IL1RAP: variants seen among roughly 807,000 people sequenced by gnomAD.
The protein encoded by IL1RAP is interleukin-1 receptor accessory protein.
Under a neutral mutation model 60.7 loss-of-function variants are expected in IL1RAP, and 35 were observed. That is an observed-to-expected ratio of 0.58 (90% confidence interval 0.44 to 0.76). The LOEUF is 0.76. IL1RAP is among the 30% of genes least tolerant of loss of function. IL1RAP has a pLI of 0.00. For missense variants in IL1RAP, 572 were observed against 693.9 expected, an observed-to-expected ratio of 0.82 and a Z score of 1.97; for synonymous variants, 268 against 250.9, an observed-to-expected ratio of 1.07 and a Z score of -0.64.
intron 8 of IL1RAP, among the ~76,000 whole-genome samples, chr3:190,629,095 A>G (rs1732555666): frequency 1.3e-5 from 2 of 152,232 alleles, no homozygotes; most frequent in African/African-American, 4.8e-5. Context: ...TTTTGAAGAG[A>G]GATCTATAAA....
At chr3:190,659,162 A>G (rs1462815052) in exon 12 of IL1RAP, 1 of 152,226 alleles carries the variant, frequency 6.6e-6, no homozygotes, top group Admixed American at 6.5e-5. Context: ...TTGGAAGAAA[A>G]TGAGAAATTA....
intron 1 of IL1RAP, among the ~76,000 whole-genome samples, chr3:190,537,297 G>A (rs952561887): frequency 6.6e-6 from 1 of 152,052 alleles, no homozygotes. Context: ...GAGTTTCCTA[G>A]GCATCCCATG....
intron 4 of IL1RAP, among the ~76,000 whole-genome samples, chr3:190,607,263 A>G (rs1435307860): frequency 6.6e-6 from 1 of 152,210 alleles, no homozygotes; most frequent in Admixed American, 6.6e-5. Context: ...ATGGCTACAC[A>G]TAGACTCCTT....
intron 7 of IL1RAP, among the ~76,000 whole-genome samples, 193 bp from the exon 8 acceptor site, chr3:190,627,130 G>A (rs1367207047): frequency 6.6e-6 from 1 of 152,092 alleles, no homozygotes; most frequent in East Asian, 1.9e-4. Context: ...TATGGGAGTC[G>A]ACTAGAGAAT....
intron 9 of IL1RAP, 49 bp downstream of exon 9, chr3:190,629,547 TG>T: frequency 1.3e-6 from 2 of 1,565,496 alleles, no homozygotes; most frequent in Non-Finnish European, 1.7e-6. Flanking sequence ...ATTAACATTG[TG>T]GTGAATAAGG....
Position 190,620,256 on chromosome 3 carries a change from T to TC in IL1RAP, c.538-19_538-18insC. On this transcript the variant is annotated intron_variant, in intron 5 of 11. Coordinates refer to ENST00000447382, the MANE Select transcript of IL1RAP (RefSeq NM_002182.4). ...CATGTATCTAAAAAGTAAACTTTTT[T>TC]TTTTTTTACTTTTTCTAGGGCTGTT... is the stretch of plus-strand genomic sequence containing the variant. 6.9e-7 allele frequency: 1 copy of TC among 1,448,852 alleles called. No individual in the cohort carries two copies. The highest frequency in any genetic ancestry group is 2.3e-5 in the East Asian group (1 of 43,534). 89.7% of individuals were successfully genotyped at this position (1,448,852 alleles called of 1,614,324 possible).
chr3:190,581,598 T>C (rs1255777329), intron 3 of IL1RAP, among the ~76,000 whole-genome samples: 1 of 152,194 alleles, frequency 6.6e-6, no homozygotes, highest in Non-Finnish European at 1.5e-5. Flanking sequence ...CAAAAGCAGA[T>C]AGTAGCATAT....
intron 3 of IL1RAP, among the ~76,000 whole-genome samples, chr3:190,578,674 A>G (rs1280854490): frequency 6.6e-6 from 1 of 152,222 alleles, no homozygotes; most frequent in Non-Finnish European, 1.5e-5. Context: ...CCAAGTTGCT[A>G]ATAAAGACAT....
At position 190,588,012 on chromosome 3, in the gene IL1RAP, G is replaced by C. The variant is rs12488165; in HGVS notation, c.65-16116G>C. Among the ~76,000 whole-genome samples the C allele has an allele frequency of 2.9e-4, 44 of 152,214 alleles. 1 individual carries two copies. The highest frequency in any genetic ancestry group is 1.1e-3 in the African/African-American group (44 of 41,506). On this transcript the variant is annotated intron_variant, in intron 3 of 11. Transcript: ENST00000447382. ...CAATGTTGGATTTGCAGTCTTTGGT[G>C]GGATGTGGTGGAAGAAATAAGGCAA...
chr3:190,618,888 C>G (rs748786322), intron 5 of IL1RAP, among the ~76,000 whole-genome samples: 11 of 152,154 alleles, frequency 7.2e-5, no homozygotes, highest in African/African-American at 1.7e-4. Flanking sequence ...CAATGCTGTT[C>G]TTAAAATACA....
At position 190,523,876 on chromosome 3, in the gene IL1RAP, T is replaced by C. The variant is rs1722291251; in HGVS notation, c.-89+9657T>C. ...AGAATAATTTATATTCCTTTGGGTG[T>C]ATACCCAGTAATGAGATTGCTGGGT... On this transcript the variant is annotated intron_variant, in intron 1 of 11. Transcript: ENST00000447382. Among the ~76,000 whole-genome samples, 4 of 152,208 alleles carry C rather than the reference T, an allele frequency of 2.6e-5. No homozygotes were observed. In the South Asian group the frequency reaches 8.3e-4, roughly 32 times the overall value.
At position 190,522,297 on chromosome 3, in the gene IL1RAP, C is replaced by G. The variant is rs1405431848; in HGVS notation, c.-89+8078C>G. On this transcript the variant is annotated intron_variant, in intron 1 of 11. Transcript: ENST00000447382. ...CATGCCTGCCTTCCTTTGCTTCCTT[C>G]CTTCCTTCCTTCCTTCCTTCCTTCC... Among the ~76,000 whole-genome samples the G allele has an allele frequency of 4.2e-4, 37 of 88,088 alleles. 1 individual carries two copies. The highest frequency in any genetic ancestry group is 3.7e-3 in the African/African-American group (29 of 7,748). The allele number at this position is 88,088 out of a possible 152,430, so 57.8% of individuals were successfully genotyped here.
intron 4 of IL1RAP, among the ~76,000 whole-genome samples, chr3:190,607,861 T>C (rs1318625847): frequency 1.3e-5 from 2 of 152,234 alleles, no homozygotes; most frequent in East Asian, 3.8e-4. Flanking sequence ...TCCTTGCCGA[T>C]ATGGCTCTGG....
chr3:190,629,555 A>G, intron 9 of IL1RAP, 57 bp downstream of exon 9: 1 of 1,547,114 alleles, frequency 6.5e-7, no homozygotes, highest in Non-Finnish European at 8.7e-7. Flanking sequence ...TGTGGTGAAT[A>G]AGGACAAAAG....
chr3:190,575,877 A>G (rs1727399726), intron 3 of IL1RAP, among the ~76,000 whole-genome samples: 1 of 152,254 alleles, frequency 6.6e-6, no homozygotes, highest in African/African-American at 2.4e-5. Flanking sequence ...GCTGCATTTA[A>G]AAATAAATGT....
At chr3:190,599,411 G>A (rs527671229) in intron 3 of IL1RAP, among the ~76,000 whole-genome samples, 27 of 151,616 alleles carry the variant, frequency 1.8e-4, no homozygotes, top group East Asian at 3.9e-4. Flanking sequence ...CAGATGCATC[G>A]CTTCATTATC....
exon 12 of IL1RAP, chr3:190,656,533 G>T: frequency 6.5e-7 from 1 of 1,537,248 alleles, no homozygotes; most frequent in Non-Finnish European, 8.7e-7. Context: ...GGAACCCCCT[G>T]CTCCCCAGAT....
At chr3:190,644,444 G>A in intron 10 of IL1RAP, 47 bp downstream of exon 10, 1 of 1,362,372 alleles carries the variant, frequency 7.3e-7, no homozygotes, top group Non-Finnish European at 1.0e-6. Flanking sequence ...GTCATCTTTA[G>A]AACATATGTT....
chr3:190,568,242 C>G (rs1726595979), intron 3 of IL1RAP, among the ~76,000 whole-genome samples: 1 of 152,092 alleles, frequency 6.6e-6, no homozygotes, highest in Non-Finnish European at 1.5e-5. Flanking sequence ...TTCGCAGGAA[C>G]CATTGTACAG....
Sources: gnomAD v4.1 joint callset for allele counts (sites outside exome capture counted in the v4.1 genomes callset) on GRCh38, gnomAD v4.1.1 for gene constraint, MANE v1.5 for transcripts, NCBI Gene and HGNC (gene_info 2026-07-23, HGNC 2026-07-21) for gene names.